DNAH11: variants seen among roughly 807,000 people sequenced by gnomAD.
The protein encoded by DNAH11 is axonemal beta dynein heavy chain 11.
In DNAH11, 442 loss-of-function variants were observed where a neutral mutation model predicts 526.0. The observed-to-expected ratio is 0.84, with a 90% CI of 0.78 to 0.91. DNAH11 has a LOEUF of 0.91. Among genes scored for constraint, DNAH11 ranks in the 40% least tolerant of loss-of-function variants. The pLI, the probability that DNAH11 is intolerant of heterozygous loss-of-function variation, is 0.00. For synonymous variants in DNAH11, 2,461 were observed against 1,935.9 expected, an observed-to-expected ratio of 1.27 and a Z score of -7.12; for missense variants, 6,989 against 5,448.7, an observed-to-expected ratio of 1.28 and a Z score of -8.90.
Position 21,773,870 on chromosome 7 carries a change from C to T in DNAH11, c.9207C>T (p.Thr3069=), listed in dbSNP as rs1787545145. The stretch of plus-strand genomic sequence containing the variant: ...AGAATGAGAGAAGACACAACTATAC[C>T]ACCCCAAAGAGTTTTCTAGAACAAA... ...YYQNERRHNY[T]TPKSFLEQIS... is the part of the protein sequence containing the mutation. Residue 3069 remains threonine (T), a synonymous_variant, in exon 56 of 82, where the codon ACC becomes ACT. Coordinates refer to ENST00000409508, the MANE Select transcript of DNAH11 (RefSeq NM_001277115.2). 1 of 1,606,844 alleles carries T rather than the reference C, an allele frequency of 6.2e-7. No individual in the cohort carries two copies. Among genetic ancestry groups the T allele is most frequent in the South Asian group, 1.1e-5 (1 of 89,240 alleles).
chr7:21,717,944 C>T lies in DNAH11; in HGVS notation c.7134+19C>T. 1 of 1,604,882 alleles carries T rather than the reference C, an allele frequency of 6.2e-7. No individual in the cohort carries two copies. The highest frequency in any genetic ancestry group is 8.5e-7 in the Non-Finnish European group (1 of 1,174,430). On this transcript the variant is annotated intron_variant, in intron 43 of 81. Transcript: ENST00000409508. ...GGTGCAGGTTTGTCTTCGGTTACGC[C>T]ATTTAACGTTCTAGTTCTGATGCGG... is the stretch of plus-strand genomic sequence containing the variant.
In DNAH11 at chr7:21,658,982, G is replaced by C; in HGVS notation, c.5279G>C (p.Arg1760Thr). ...ACAGATGTAGGAATAGCCTTCAGTAGACTGGAAGAAGGCTACGAAACAGCC... is the reference window on the plus strand; with the variant it reads ...ACAGATGTAGGAATAGCCTTCAGTACACTGGAAGAAGGCTACGAAACAGCC... ...WTTDVGIAFS[R>T]LEEGYETALK... Residue 1760 changes from arginine to threonine, a missense_variant, in exon 30 of 82, where the codon AGA (arginine) becomes ACA (threonine). By Grantham distance (71) the Arg-to-Thr change is moderately conservative. Coordinates refer to ENST00000409508, the MANE Select transcript of DNAH11 (RefSeq NM_001277115.2). The C allele has an allele frequency of 6.2e-7, 1 of 1,609,604 alleles. No homozygotes were observed. Among genetic ancestry groups the C allele is most frequent in the Non-Finnish European group, 8.5e-7 (1 of 1,178,002 alleles).
intron 2 of DNAH11, among the ~76,000 whole-genome samples, chr7:21,554,692 A>G (rs957361349): frequency 6.6e-6 from 1 of 152,194 alleles, no homozygotes. Context: ...CTGGTTTGCT[A>G]AACCCAGGGG....
chr7:21,860,404 C>G (rs1337540756), intron 68 of DNAH11, among the ~76,000 whole-genome samples: 1 of 152,102 alleles, frequency 6.6e-6, no homozygotes, highest in Non-Finnish European at 1.5e-5. Context: ...AGAAAAATTA[C>G]AAATAGAATT....
rs748399924 is a variant in DNAH11 at position 21,725,843 on chromosome 7, G to T, written c.7299G>T (p.Trp2433Cys). ...ATTATCAAGCTGACTTCAGTCGGTG[G>T]TGGCAGAAAGAGATGAAAGCAGTGA... ...ISDYQADFSR[W>C]WQKEMKAVKF... The change falls in exon 45 of 82, where the codon TGG becomes TGT. Residue 2433 changes from tryptophan (W) to cysteine (C), a missense_variant. Physicochemically the swap from Trp to Cys is radical, Grantham distance 215. Transcript: ENST00000409508. The T allele has an allele frequency of 1.5e-5, 24 of 1,611,968 alleles. 1 individual carries two copies. Among genetic ancestry groups the T allele is most frequent in the Middle Eastern group, 3.3e-4 (2 of 6,060 alleles).
At chr7:21,672,776 C>T (rs986471342) in intron 30 of DNAH11, among the ~76,000 whole-genome samples, 2 of 152,134 alleles carry the variant, frequency 1.3e-5, no homozygotes, top group African/African-American at 2.4e-5. Context: ...TCTTTAAATT[C>T]ACGGTATGGC....
intron 45 of DNAH11, among the ~76,000 whole-genome samples, chr7:21,728,773 G>C (rs1405564430): frequency 6.6e-6 from 1 of 152,236 alleles, no homozygotes; most frequent in Non-Finnish European, 1.5e-5. Flanking sequence ...GCATAGGATA[G>C]ACCTTTCTAT....
rs1212421770 is a variant in DNAH11, at chr7:21,543,328, A to C, written c.83A>C (p.Glu28Ala). 1 of 1,550,604 alleles carries C rather than the reference A, an allele frequency of 6.4e-7. No individual in the cohort carries two copies. Among genetic ancestry groups the C allele is most frequent in the Non-Finnish European group, 8.7e-7 (1 of 1,146,668 alleles). ...TLRLTSGAGL[E>A]AVGAVELEEE... ...CGCCTAACCTCGGGGGCCGGCCTGG[A>C]GGCAGTGGGCGCTGTGGAGCTCGAG... The change falls in exon 1 of 82, where the codon GAG becomes GCG. Residue 28 changes from glutamate (E) to alanine (A), a missense_variant. By Grantham distance (107) the Glu-to-Ala change is moderately radical. Transcript: ENST00000409508.
intron 5 of DNAH11, 62 bp downstream of exon 5, chr7:21,561,232 C>A: frequency 8.1e-7 from 1 of 1,227,562 alleles, no homozygotes; most frequent in Non-Finnish European, 1.2e-6. Context: ...CCAGCCCCTG[C>A]CTGCTCGGCC....
intron 42 of DNAH11, among the ~76,000 whole-genome samples, chr7:21,714,292 C>A (rs188784325): frequency 1.0e-3 from 154 of 152,224 alleles, no homozygotes; most frequent in African/African-American, 3.5e-3. Flanking sequence ...TTTGTTTTAT[C>A]CAGAATTAAT....
chr7:21,807,392 G>C (rs1354436211), intron 62 of DNAH11, among the ~76,000 whole-genome samples: 1 of 152,208 alleles, frequency 6.6e-6, no homozygotes, highest in Non-Finnish European at 1.5e-5. Context: ...CCAGCTACTT[G>C]AGAGGCTGAA....
chr7:21,602,094 C>T (rs1005992949), intron 18 of DNAH11, among the ~76,000 whole-genome samples: 1 of 152,154 alleles, frequency 6.6e-6, no homozygotes, highest in East Asian at 1.9e-4. Flanking sequence ...AATCCCAGCA[C>T]TGTGAGAGGC....
At chr7:21,821,484 C>T (rs1340389424) in intron 65 of DNAH11, among the ~76,000 whole-genome samples, 2 of 152,094 alleles carry the variant, frequency 1.3e-5, no homozygotes, top group Non-Finnish European at 1.5e-5. Flanking sequence ...GACCCAGAGA[C>T]ATTAATTAAC....
intron 51 of DNAH11, among the ~76,000 whole-genome samples, chr7:21,747,875 G>A (rs995642415): frequency 3.9e-5 from 6 of 152,216 alleles, no homozygotes; most frequent in African/African-American, 1.4e-4. Flanking sequence ...CTGGCACAAG[G>A]CTATTCCCCC....
At chr7:21,544,852 A>G (rs1452294234) in intron 1 of DNAH11, among the ~76,000 whole-genome samples, 154 bp from the exon 2 acceptor site, 4 of 152,186 alleles carry the variant, frequency 2.6e-5, no homozygotes, top group Admixed American at 2.0e-4. Flanking sequence ...CTCGCTGCAT[A>G]CTAGGGAAGA....
At chr7:21,556,389 T>A (rs1783218804) in intron 2 of DNAH11, among the ~76,000 whole-genome samples, 1 of 152,248 alleles carries the variant, frequency 6.6e-6, no homozygotes, top group African/African-American at 2.4e-5. Flanking sequence ...ACCCAGTACG[T>A]TAGAAATGTT....
chr7:21,885,208 AT>A (rs1477028388), intron 76 of DNAH11, among the ~76,000 whole-genome samples: 1 of 141,782 alleles, frequency 7.1e-6, no homozygotes, highest in African/African-American at 2.5e-5. Flanking sequence ...TTATGACACA[AT>A]GGGAAATTAA....
At chr7:21,560,330 A>T (rs1783403541) in intron 4 of DNAH11, among the ~76,000 whole-genome samples, 3 of 152,196 alleles carry the variant, frequency 2.0e-5, no homozygotes, top group Non-Finnish European at 4.4e-5. Context: ...GGATATATGT[A>T]TATATGAAAG....
intron 68 of DNAH11, among the ~76,000 whole-genome samples, chr7:21,856,269 C>T (rs16873036): frequency 0.15 from 22,810 of 151,996 alleles, 3,046 homozygotes; most frequent in African/African-American, 0.34. Context: ...CTCAGAGTTA[C>T]GTGAACAGAC....
Sources: allele counts gnomAD v4.1 joint callset (sites outside exome capture counted in the v4.1 genomes callset), GRCh38; gene constraint gnomAD v4.1.1; transcripts MANE v1.5; gene names NCBI Gene and HGNC (gene_info 2026-07-23, HGNC 2026-07-21).